The following POC5 variants were observed in gnomAD, a reference collection of about 807,000 sequenced individuals.
The protein encoded by POC5 is centrosomal protein POC5.
A neutral mutation model predicts 62.9 loss-of-function variants in POC5; 48 were observed. The ratio of observed to expected loss-of-function variants is 0.76; its 90% CI spans 0.61 to 0.97. The LOEUF (loss-of-function observed/expected upper bound fraction) is 0.97. POC5 is among the 50% of genes least tolerant of loss of function. The pLI, the probability that POC5 is intolerant of heterozygous loss-of-function variation, is 0.00. For synonymous variants in POC5, 236 were observed against 228.2 expected, an observed-to-expected ratio of 1.03 and a Z score of -0.31; for missense variants, 696 against 679.5, an observed-to-expected ratio of 1.02 and a Z score of -0.27.
Position 75,685,235 on chromosome 5 carries a change from G to C in POC5, c.1379C>G (p.Ser460Cys). ...TTCTTCTGATGCAGCAGTAGCTGCA[G>C]ATCCTGCACCAAGAGCAGAAACAGG... ...HVPVSALGAG[S>C]AATAASEEMY... Residue 460 changes from serine to cysteine, a missense_variant, in exon 10 of 12, where the codon TCT becomes TGT. Physicochemically the swap from Ser to Cys is moderately radical, Grantham distance 112 (BLOSUM62 -1). Transcript: ENST00000428202. 1 of 1,613,724 alleles carries C rather than the reference G, an allele frequency of 6.2e-7. No individual in the cohort carries two copies. Among genetic ancestry groups the C allele is most frequent in the South Asian group, 1.1e-5 (1 of 91,046 alleles).
At chr5:75,703,988 T>C (rs549513188) in intron 4 of POC5, among the ~76,000 whole-genome samples, 89 of 151,918 alleles carry the variant, frequency 5.9e-4, no homozygotes, top group Non-Finnish European at 9.3e-4. Flanking sequence ...ACCCTATCTC[T>C]ACTAAAAATA....
At chr5:75,705,210 T>TAAA (rs774214406) in intron 4 of POC5, 1 of 151,622 alleles carries the variant, frequency 6.6e-6, no homozygotes, top group African/African-American at 2.4e-5. Context: ...CAAACAAAAT[T>TAAA]AAAAAAATAC....
intron 5 of POC5, among the ~76,000 whole-genome samples, chr5:75,695,421 G>T (rs1776520130): frequency 6.6e-6 from 1 of 152,104 alleles, no homozygotes; most frequent in Non-Finnish European, 1.5e-5. Flanking sequence ...ATGGTTGGTG[G>T]TATAACACTC....
At chr5:75,711,033 G>A (rs75583924) in intron 2 of POC5, among the ~76,000 whole-genome samples, 1,555 of 151,986 alleles carry the variant, frequency 0.01, 34 homozygotes, top group African/African-American at 0.036. Flanking sequence ...GGCTTAAAGG[G>A]GAAATAAATA....
At position 75,701,103 on chromosome 5, in the gene POC5, C is replaced by G. The variant is rs1385826824; in HGVS notation, c.513+1502G>C. 7.4e-3 allele frequency among the ~76,000 whole-genome samples: 924 copies of G among 125,488 alleles called. 34 individuals carry two copies. Among genetic ancestry groups the G allele is most frequent in the African/African-American group, 0.025 (893 of 35,856 alleles). 82.3% of individuals were successfully genotyped at this position (125,488 alleles called of 152,430 possible). A position where few individuals can be genotyped will look rare whatever the true frequency, so the allele number is the denominator to read the frequency against. ...TGGAGAGGATGTGGAGAAATAGGAA[C>G]ACTTTTACACTGTTGGTGGGACTGT... On this transcript the variant is annotated intron_variant, in intron 5 of 11. Coordinates refer to ENST00000428202, the MANE Select transcript of POC5 (RefSeq NM_001099271.2).
chr5:75,677,836 T>C lies in POC5; in HGVS notation c.1522A>G (p.Ile508Val), dbSNP rs1775729260. Residue 508 changes from isoleucine to valine, a missense_variant, in exon 11 of 12, where the codon ATA becomes GTA. By Grantham distance (29) the Ile-to-Val change is conservative. Transcript: ENST00000428202. ...CTCATGGGAGGAGAAACTCCCATTA[T>C]AGCTAAACTGCTGCTAATTCTATTT... is the stretch of plus-strand genomic sequence containing the variant. ...SKNRISSSLA[I>V]MGVSPPMSSV... 1 of 1,613,100 alleles carries C rather than the reference T, an allele frequency of 6.2e-7. No individual in the cohort carries two copies.
chr5:75,707,990 A>G lies in POC5; in HGVS notation c.85-115T>C, dbSNP rs1002303234. On this transcript the variant is annotated intron_variant, in intron 2 of 11. Transcript: ENST00000428202. ...CATAATAGAGTCCCATGCTTATTAT[A>G]TTACAAAGTTTTACCACTTATTCCA... 1.0e-5 allele frequency: 10 copies of G among 955,430 alleles called. No individual in the cohort carries two copies. In the Admixed American group the frequency reaches 1.5e-4, roughly 15 times the overall value. 59.2% of individuals were successfully genotyped at this position (955,430 alleles called of 1,614,324 possible).
intron 2 of POC5, among the ~76,000 whole-genome samples, chr5:75,710,622 C>T (rs1471976945): frequency 6.6e-6 from 1 of 152,176 alleles, no homozygotes; most frequent in Non-Finnish European, 1.5e-5. Flanking sequence ...GAAACTGACC[C>T]TTTTGGGCTG....
chr5:75,702,137 G>A (rs1284991716), intron 5 of POC5, among the ~76,000 whole-genome samples: 1 of 151,458 alleles, frequency 6.6e-6, no homozygotes, highest in African/African-American at 2.4e-5. Flanking sequence ...ACATGGAGGG[G>A]AACATCACAC....
chr5:75,684,955 T>C (rs1380598327), intron 10 of POC5, among the ~76,000 whole-genome samples: 5 of 151,462 alleles, frequency 3.3e-5, no homozygotes, highest in Non-Finnish European at 7.4e-5. Context: ...GCAAGCTCTG[T>C]CTACAGGGTT....
Position 75,690,480 on chromosome 5 carries a change from T to C in POC5, c.878A>G (p.Gln293Arg), listed in dbSNP as rs1417367111. 16 of 1,610,442 alleles carry C rather than the reference T, an allele frequency of 9.9e-6. No homozygotes were observed. The highest frequency in any genetic ancestry group is 1.3e-5 in the Non-Finnish European group (15 of 1,178,084). ...KVWKVWRSVV[Q>R]KQWKDVVERA... ...TTCTACCACATCTTTCCACTGCTTT[T>C]GCACTACGGAACGCCAGACTTTCCA... Residue 293 changes from glutamine (Q) to arginine (R), a missense_variant, in exon 8 of 12, where the codon CAA becomes CGA. Gln to Arg is a conservative substitution (Grantham distance 43, BLOSUM62 1). Transcript: ENST00000428202.
At chr5:75,709,154 C>G (rs917918951) in intron 2 of POC5, among the ~76,000 whole-genome samples, 7 of 152,232 alleles carry the variant, frequency 4.6e-5, no homozygotes, top group African/African-American at 1.7e-4. Flanking sequence ...AACATAGATA[C>G]TTACACGCAG....
intron 9 of POC5, among the ~76,000 whole-genome samples, chr5:75,687,391 T>TAA (rs11456573): frequency 2.0e-5 from 3 of 151,542 alleles, no homozygotes; most frequent in African/African-American, 7.3e-5. Context: ...TTATGAGAAC[T>TAA]AAAAAAAATA....
At chr5:75,677,580 C>A (rs16872760) in intron 11 of POC5, 194 bp downstream of exon 11, 59,554 of 345,188 alleles carry the variant, frequency 0.17, 8,242 homozygotes, top group African/African-American at 0.44. Context: ...ACAGCAGAAA[C>A]GTAGATTTAT....
Position 75,702,823 on chromosome 5 carries a change from A to G in POC5, c.308-13T>C. On this transcript the variant is annotated splice_polypyrimidine_tract_variant and intron_variant, in intron 4 of 11. Transcript: ENST00000428202. Reference sequence around the variant, plus strand: ...ACTGGTGATGACTCTGAATAAAAGAAAAGTTGTAGCTGTCAAGCCAAATTG... The same window carrying G: ...ACTGGTGATGACTCTGAATAAAAGAGAAGTTGTAGCTGTCAAGCCAAATTG... The G allele has an allele frequency of 6.5e-7, 1 of 1,543,044 alleles. No individual in the cohort carries two copies. Among genetic ancestry groups the G allele is most frequent in the South Asian group, 1.2e-5 (1 of 83,818 alleles).
chr5:75,682,071 A>T (rs1423686831), intron 10 of POC5, among the ~76,000 whole-genome samples: 1 of 152,224 alleles, frequency 6.6e-6, no homozygotes, highest in Admixed American at 6.5e-5. Context: ...CCACTTACTT[A>T]TGTGACTGAA....
intron 10 of POC5, among the ~76,000 whole-genome samples, chr5:75,680,519 AATGGCTCGC>A (rs773213789): frequency 6.6e-6 from 1 of 152,154 alleles, no homozygotes; most frequent in African/African-American, 2.4e-5. Flanking sequence ...AGTTGTCTTA[AATGGCTCGC>A]ATGTTTACTG....
chr5:75,681,631 TAAAA>T (rs1561461626), intron 10 of POC5, among the ~76,000 whole-genome samples: 2 of 147,640 alleles, frequency 1.4e-5, no homozygotes, highest in African/African-American at 4.9e-5. Context: ...AATAATTTTT[TAAAA>T]TAATAATATT....
intron 2 of POC5, among the ~76,000 whole-genome samples, chr5:75,709,022 G>A (rs1403151306): frequency 6.6e-6 from 1 of 152,016 alleles, no homozygotes; most frequent in Non-Finnish European, 1.5e-5. Flanking sequence ...TAGTAGAGAT[G>A]GGGTTTCACC....
Sources: gnomAD v4.1 joint callset for allele counts (sites outside exome capture counted in the v4.1 genomes callset) on GRCh38, gnomAD v4.1.1 for gene constraint, MANE v1.5 for transcripts, NCBI Gene and HGNC (gene_info 2026-07-23, HGNC 2026-07-21) for gene names.